SOBP: variants seen among roughly 807,000 people sequenced by gnomAD.
SOBP encodes the protein sine oculis binding protein homolog.
A neutral mutation model predicts 53.6 loss-of-function variants in SOBP; 4 were observed. That is an observed-to-expected ratio of 0.07 (90% confidence interval 0.04 to 0.17). The LOEUF (loss-of-function observed/expected upper bound fraction) is 0.17, where lower values mean the gene tolerates loss of function less well. Ranked by LOEUF, SOBP falls within the 10% of genes least tolerant of loss-of-function variation. The pLI is 1.00. For synonymous variants in SOBP, 584 were observed against 522.6 expected (o/e 1.12, Z -1.60); for missense variants, 1,088 against 1,204.7 (o/e 0.90, Z 1.43).
intron 4 of SOBP, among the ~76,000 whole-genome samples, chr6:107,536,017 C>T (rs1783988247): frequency 6.6e-6 from 1 of 152,064 alleles, no homozygotes; most frequent in Non-Finnish European, 1.5e-5. Context: ...CTTCCCATTC[C>T]TACATAACAG....
At chr6:107,564,127 A>G (rs1265436451) in intron 4 of SOBP, among the ~76,000 whole-genome samples, 1 of 152,184 alleles carries the variant, frequency 6.6e-6, no homozygotes, top group African/African-American at 2.4e-5. Context: ...TGCACACCCA[A>G]ATGTGCGCGC....
intron 3 of SOBP, among the ~76,000 whole-genome samples, chr6:107,516,484 A>T (rs1313846600): frequency 6.6e-6 from 1 of 152,020 alleles, no homozygotes; most frequent in Non-Finnish European, 1.5e-5. Flanking sequence ...TCTCAAAAAA[A>T]AAAAAAGAAA....
At chr6:107,615,973 G>T (rs930925440) in intron 5 of SOBP, among the ~76,000 whole-genome samples, 5 of 150,392 alleles carry the variant, frequency 3.3e-5, no homozygotes, top group African/African-American at 1.2e-4. Flanking sequence ...AGCGAGCTAG[G>T]ATCATACCAC....
intron 5 of SOBP, among the ~76,000 whole-genome samples, chr6:107,595,224 A>G (rs1017573743): frequency 2.0e-5 from 3 of 152,150 alleles, no homozygotes; most frequent in Non-Finnish European, 2.9e-5. Flanking sequence ...GCCAAGGTAT[A>G]TAGTTTTTAA....
At chr6:107,638,715 A>T (rs907653184) in intron 6 of SOBP, among the ~76,000 whole-genome samples, 1 of 152,082 alleles carries the variant, frequency 6.6e-6, no homozygotes, top group Non-Finnish European at 1.5e-5. Flanking sequence ...TCAGGCTGAG[A>T]TGTGGTGGGT....
At chr6:107,570,063 T>A (rs1785029962) in intron 4 of SOBP, among the ~76,000 whole-genome samples, 1 of 152,204 alleles carries the variant, frequency 6.6e-6, no homozygotes, top group South Asian at 2.1e-4. Context: ...CTTATGCTAA[T>A]GAGAATAACG....
At chr6:107,656,311 G>GA (rs377264815) in intron 6 of SOBP, among the ~76,000 whole-genome samples, 1 of 13,460 alleles carries the variant, frequency 7.4e-5, no homozygotes, top group Non-Finnish European at 1.3e-4. Context: ...AAGAAAGAAA[G>GA]AAAGAAAGAA....
chr6:107,640,303 G>T (rs373422897), intron 6 of SOBP, among the ~76,000 whole-genome samples: 1 of 152,334 alleles, frequency 6.6e-6, no homozygotes, highest in East Asian at 1.9e-4. Context: ...AAAACTGAGA[G>T]TGACAAAAGG....
intron 1 of SOBP, among the ~76,000 whole-genome samples, chr6:107,502,422 AAC>A (rs1306167466): frequency 1.3e-5 from 2 of 152,232 alleles, no homozygotes; most frequent in Admixed American, 1.3e-4. Context: ...TAAAATCATT[AAC>A]ACACAGAGTC....
At chr6:107,579,504 A>G (rs540924652) in intron 4 of SOBP, among the ~76,000 whole-genome samples, 1 of 152,350 alleles carries the variant, frequency 6.6e-6, no homozygotes, top group Admixed American at 6.5e-5. Context: ...CACAGTTTTA[A>G]TGTGCTGGGA....
At chr6:107,551,320 G>A (rs1784452620) in intron 4 of SOBP, among the ~76,000 whole-genome samples, 1 of 152,180 alleles carries the variant, frequency 6.6e-6, no homozygotes, top group African/African-American at 2.4e-5. Flanking sequence ...TTTAGTAAGT[G>A]TACATAATAA....
At chr6:107,632,496 C>T (rs916414073) in intron 5 of SOBP, among the ~76,000 whole-genome samples, 3 of 152,200 alleles carry the variant, frequency 2.0e-5, no homozygotes, top group East Asian at 1.9e-4. Flanking sequence ...GAAGGAAAGA[C>T]ATTTGTGCAA....
At chr6:107,550,015 C>G (rs774958554) in intron 4 of SOBP, among the ~76,000 whole-genome samples, 8 of 152,208 alleles carry the variant, frequency 5.3e-5, no homozygotes, top group Non-Finnish European at 1.2e-4. Context: ...TCCCTCCTCT[C>G]CACACCTGGA....
Position 107,591,458 on chromosome 6 carries a change from G to A in SOBP, c.669+4283G>A, listed in dbSNP as rs975367258. 2.0e-5 allele frequency among the ~76,000 whole-genome samples: 3 copies of A among 152,298 alleles called. No homozygotes were observed. The East Asian group carries it at 5.8e-4, about 29-fold the overall frequency. On this transcript the variant is annotated intron_variant, in intron 5 of 6. Coordinates refer to ENST00000317357, the MANE Select transcript of SOBP (RefSeq NM_018013.4). ...TATGCAGTCATTAAAAACTTAATAA[G>A]GGAAGATACCTTTGATCCAGGCCTT...
chr6:107,501,844 A>G (rs925601974), intron 1 of SOBP, among the ~76,000 whole-genome samples: 1 of 152,194 alleles, frequency 6.6e-6, no homozygotes, highest in Non-Finnish European at 1.5e-5. Context: ...CATATTGATC[A>G]TATCTTTGTG....
At chr6:107,566,944 C>G (rs981035932) in intron 4 of SOBP, among the ~76,000 whole-genome samples, 1 of 152,214 alleles carries the variant, frequency 6.6e-6, no homozygotes, top group Non-Finnish European at 1.5e-5. Flanking sequence ...CATGGCTACA[C>G]AGTTCCTGAG....
At chr6:107,514,369 A>G (rs1783256678) in intron 3 of SOBP, 1 of 152,200 alleles carries the variant, frequency 6.6e-6, no homozygotes, top group Admixed American at 6.5e-5. Flanking sequence ...TTGAGGGGAA[A>G]TGGCACCTGA....
At chr6:107,505,488 A>G (rs1235386877) in intron 2 of SOBP, among the ~76,000 whole-genome samples, 1 of 151,798 alleles carries the variant, frequency 6.6e-6, no homozygotes, top group Non-Finnish European at 1.5e-5. Flanking sequence ...TGTCTGGCTG[A>G]TTTTTGTATT....
chr6:107,632,770 A>G (rs555143128), intron 5 of SOBP, among the ~76,000 whole-genome samples: 93 of 152,312 alleles, frequency 6.1e-4, no homozygotes, highest in Non-Finnish European at 1.1e-3. Context: ...AGGGGGGAAA[A>G]AGCCATAACA....
Sources: allele counts gnomAD v4.1 joint callset (sites outside exome capture counted in the v4.1 genomes callset), GRCh38; gene constraint gnomAD v4.1.1; transcripts MANE v1.5; gene names NCBI Gene and HGNC (gene_info 2026-07-23, HGNC 2026-07-21).